The following HNRNPUL1 variants were observed in gnomAD, a reference collection of about 807,000 sequenced individuals.
The protein encoded by HNRNPUL1 is heterogeneous nuclear ribonucleoprotein U-like protein 1.
Under a neutral mutation model 108.5 loss-of-function variants are expected in HNRNPUL1, and 14 were observed. The ratio of observed to expected loss-of-function variants is 0.13; its 90% confidence interval spans 0.09 to 0.20. HNRNPUL1 has a LOEUF of 0.20. Ranked by LOEUF, HNRNPUL1 falls within the 10% of genes least tolerant of loss-of-function variation. HNRNPUL1 has a pLI of 1.00. For synonymous variants in HNRNPUL1, 422 were observed against 445.2 expected (o/e 0.95, Z 0.66); for missense variants, 804 against 1,168.3 (o/e 0.69, Z 4.55).
chr19:41,282,167 CCTT>C (rs1024860944), intron 7 of HNRNPUL1, among the ~76,000 whole-genome samples: 37 of 152,224 alleles, frequency 2.4e-4, no homozygotes, highest in African/African-American at 8.7e-4. Flanking sequence ...ATGTACTCTT[CCTT>C]CTTCTTTTTT....
At position 41,294,578 on chromosome 19, in the gene HNRNPUL1, G is replaced by A. The variant is rs2036779414; in HGVS notation, c.1410G>A (p.Gln470=). Residue 470 remains glutamine, a synonymous_variant, in exon 10 of 15, where the codon CAG becomes CAA. Coordinates refer to ENST00000392006, the MANE Select transcript of HNRNPUL1 (RefSeq NM_007040.6). The surrounding 1 kb of genome is among the most constrained non-coding windows in gnomAD (Gnocchi z 4.3). ...CGCAGGTGATGGGCCTACGCCGGCA[G>A]CGGAACTATGCTGGCCGCTGGGATG... ...DKMRVMGLRR[Q]RNYAGRWDVL... 2.5e-6 allele frequency: 4 copies of A among 1,614,208 alleles called. No individual in the cohort carries two copies. The highest frequency in any genetic ancestry group is 3.4e-6 in the Non-Finnish European group (4 of 1,180,040).
intron 5 of HNRNPUL1, among the ~76,000 whole-genome samples, chr19:41,277,703 C>T (rs1388529927): frequency 1.3e-5 from 2 of 152,118 alleles, no homozygotes; most frequent in East Asian, 1.9e-4. Flanking sequence ...GATGGGGTTT[C>T]TCCATGTTGA....
chr19:41,304,168 C>T lies in HNRNPUL1; in HGVS notation c.2169C>T (p.Pro723=), dbSNP rs775769122. The T allele has an allele frequency of 1.2e-5, 19 of 1,614,058 alleles. No homozygotes were observed. The Admixed American group carries it at 3.0e-4, about 25-fold the overall frequency. Residue 723 remains proline, a synonymous_variant, in exon 13 of 15, where the codon CCC becomes CCT. Coordinates refer to ENST00000392006, the MANE Select transcript of HNRNPUL1 (RefSeq NM_007040.6). ...CCAGCTACAGCCCTGCTCGGAACCC[C>T]CCAGGGGCCAGCACCTACAATAAGA... is the stretch of plus-strand genomic sequence containing the variant. The part of the protein sequence containing the change: ...PPPSYSPARN[P]PGASTYNKNS...
intron 1 of HNRNPUL1, among the ~76,000 whole-genome samples, chr19:41,266,480 G>C (rs1353452069): frequency 3.2e-5 from 3 of 94,944 alleles, no homozygotes; most frequent in Non-Finnish European, 6.3e-5. Context: ...AAATACAGAT[G>C]GGGGGTCTCG....
At chr19:41,277,917 A>G (rs2122597237) in intron 5 of HNRNPUL1, among the ~76,000 whole-genome samples, 2 of 151,614 alleles carry the variant, frequency 1.3e-5, no homozygotes, top group Middle Eastern at 3.4e-3. Flanking sequence ...GATATTCGGC[A>G]GTCTAGTCTT....
At chr19:41,302,214 G>GTTTTTTTTT (rs58368849) in intron 11 of HNRNPUL1, among the ~76,000 whole-genome samples, 7 of 92,428 alleles carry the variant, frequency 7.6e-5, no homozygotes, top group African/African-American at 2.8e-4. Flanking sequence ...CTCTCTCTCT[G>GTTTTTTTTT]TTTTTTTTTT....
chr19:41,265,244 T>C (rs1599755395), intron 1 of HNRNPUL1: 3 of 1,463,354 alleles, frequency 2.1e-6, no homozygotes, highest in Non-Finnish European at 2.7e-6. Context: ...GTTTCCAGGG[T>C]GGGGAAGGAA....
intron 5 of HNRNPUL1, among the ~76,000 whole-genome samples, chr19:41,277,028 C>A (rs1416806450): frequency 6.7e-6 from 1 of 149,380 alleles, no homozygotes; most frequent in African/African-American, 2.5e-5. Flanking sequence ...ACCCAAGAGG[C>A]AGAGGTTGCA....
chr19:41,294,699 G>T lies in HNRNPUL1; in HGVS notation c.1518+13G>T. ...TATCCTAGATCAGGTACTTAATGAT[G>T]ACCATTGTGTCCTCAGGAGAAGGGA... On this transcript the variant is annotated intron_variant, in intron 10 of 14. Transcript: ENST00000392006. This position sits in a 1 kb window ranked among gnomAD's most constrained non-coding sequence, Gnocchi z 4.3. The T allele has an allele frequency of 1.9e-6, 3 of 1,613,920 alleles. No individual in the cohort carries two copies. The South Asian group carries it at 3.3e-5, about 18-fold the overall frequency.
At position 41,294,806 on chromosome 19, in the gene HNRNPUL1, C is replaced by CG. The variant is rs543171907; in HGVS notation, c.1518+127dup. The CG allele has an allele frequency of 8.4e-5, 102 of 1,220,196 alleles. No homozygotes were observed. Among genetic ancestry groups the CG allele is most frequent in the African/African-American group, 3.1e-4 (21 of 67,428 alleles). The allele number at this position is 1,220,196 out of a possible 1,614,324, so 75.6% of individuals were successfully genotyped here. A position where few individuals can be genotyped will look rare whatever the true frequency, so the allele number is the denominator to read the frequency against. On this transcript the variant is annotated intron_variant, in intron 10 of 14. Transcript: ENST00000392006. The surrounding 1 kb of genome is among the most constrained non-coding windows in gnomAD (Gnocchi z 4.3). ...AATGATGATGGACTGCTGTGCTAGT[C>CG]GGGGGGGTCAGACCTTGTCATACAT...
chr19:41,277,387 CAG>C (rs1406415321), intron 5 of HNRNPUL1, among the ~76,000 whole-genome samples: 3 of 152,312 alleles, frequency 2.0e-5, no homozygotes, highest in East Asian at 3.9e-4. Flanking sequence ...AGCTGAAACA[CAG>C]AGGGTTATAT....
intron 10 of HNRNPUL1, among the ~76,000 whole-genome samples, chr19:41,295,271 C>T (rs1411915714): frequency 1.3e-5 from 2 of 152,188 alleles, no homozygotes; most frequent in Non-Finnish European, 2.9e-5. Context: ...ATATTTTCTA[C>T]CTACACTTCA....
rs142714960 is a variant in HNRNPUL1, at chr19:41,271,677, A to G, written c.419-405A>G. Among the ~76,000 whole-genome samples the G allele has an allele frequency of 1.5e-3, 227 of 152,220 alleles. 1 individual carries two copies. The highest frequency in any genetic ancestry group is 5.3e-3 in the African/African-American group (219 of 41,526). The stretch of plus-strand genomic sequence containing the variant: ...GTTAATGGTATGACTTAAAGAGGTT[A>G]TTGCACCTATGGGATGGCTTAACCG... On this transcript the variant is annotated intron_variant, in intron 2 of 14. Transcript: ENST00000392006.
intron 3 of HNRNPUL1, 24 bp from the exon 4 acceptor site, chr19:41,273,958 A>G (rs371452814): frequency 6.3e-7 from 1 of 1,593,996 alleles, no homozygotes; most frequent in African/African-American, 1.3e-5. Context: ...TTCTTGTATG[A>G]CTTAACCCCT....
intron 10 of HNRNPUL1, among the ~76,000 whole-genome samples, chr19:41,295,864 C>T (rs991745731): frequency 6.6e-6 from 1 of 152,198 alleles, no homozygotes; most frequent in South Asian, 2.1e-4. Context: ...CTACACAAAA[C>T]AGTTGAGCAC....
intron 3 of HNRNPUL1, among the ~76,000 whole-genome samples, chr19:41,273,456 G>T (rs1264808957): frequency 6.6e-6 from 1 of 152,182 alleles, no homozygotes; most frequent in Non-Finnish European, 1.5e-5. Flanking sequence ...TAGCGTTTTG[G>T]TAGGAAAATG....
At chr19:41,279,731 A>C (rs77271959) in intron 6 of HNRNPUL1, among the ~76,000 whole-genome samples, 2,615 of 152,316 alleles carry the variant, frequency 0.017, 82 homozygotes, top group African/African-American at 0.06. Context: ...ATGATCATAC[A>C]AACGTTCCAA....
intron 3 of HNRNPUL1, among the ~76,000 whole-genome samples, chr19:41,273,689 A>T (rs2035376759): frequency 6.6e-6 from 1 of 152,180 alleles, no homozygotes; most frequent in African/African-American, 2.4e-5. Context: ...GAGGGTATGG[A>T]TCAGAATCTT....
intron 7 of HNRNPUL1, chr19:41,291,984 A>AC (rs2036602936): frequency 4.7e-6 from 2 of 429,108 alleles, no homozygotes; most frequent in African/African-American, 4.3e-5. Flanking sequence ...TGTCTCAAAA[A>AC]AAAAAAAAAC....
Sources: allele counts gnomAD v4.1 joint callset (sites outside exome capture counted in the v4.1 genomes callset), GRCh38; gene constraint gnomAD v4.1.1; non-coding constraint Gnocchi (gnomAD v3.1); transcripts MANE v1.5; gene names NCBI Gene and HGNC (gene_info 2026-07-23, HGNC 2026-07-21).